The following STAB2 variants were observed in gnomAD, a reference collection of about 807,000 sequenced individuals.
The protein encoded by STAB2 is stabilin-2.
A neutral mutation model predicts 338.1 loss-of-function variants in STAB2; 288 were observed. The observed-to-expected ratio is 0.85, with a 90% CI of 0.77 to 0.94. STAB2 has a LOEUF of 0.94. Among genes scored for constraint, STAB2 ranks in the 40% least tolerant of loss-of-function variants. The probability of loss-of-function intolerance (pLI) is 0.00; values close to 1 mark genes in which losing one functional copy is unlikely to be tolerated. For synonymous variants in STAB2, 1,202 were observed against 1,193.3 expected (o/e 1.01, Z -0.15); for missense variants, 3,141 against 3,210.1 (o/e 0.98, Z 0.52).
chr12:103,595,263 G>C (rs55889269), intron 3 of STAB2, among the ~76,000 whole-genome samples: 9,402 of 152,022 alleles, frequency 0.062, 401 homozygotes, highest in South Asian at 0.2. Context: ...TTATGAATTT[G>C]CAATTCATTC....
intron 19 of STAB2, among the ~76,000 whole-genome samples, chr12:103,667,520 C>CT (rs1294769609): frequency 6.6e-6 from 1 of 151,932 alleles, no homozygotes; most frequent in South Asian, 2.1e-4. Context: ...CTATGATTGT[C>CT]TCAGCCCAGG....
chr12:103,636,631 TG>T (rs1193604742), intron 6 of STAB2, among the ~76,000 whole-genome samples: 1 of 152,112 alleles, frequency 6.6e-6, no homozygotes, highest in East Asian at 1.9e-4. Context: ...AGTATTAAGC[TG>T]TACTTCACTC....
intron 45 of STAB2, 65 bp from the exon 46 acceptor site, chr12:103,726,051 G>A: frequency 1.3e-6 from 2 of 1,574,852 alleles, no homozygotes; most frequent in Non-Finnish European, 8.7e-7. Context: ...ATCATCCCAT[G>A]ACAACCCTGT....
intron 25 of STAB2, among the ~76,000 whole-genome samples, chr12:103,680,721 T>A (rs1270907164): frequency 6.6e-6 from 1 of 152,188 alleles, no homozygotes; most frequent in East Asian, 1.9e-4. Flanking sequence ...GCCCTGCACC[T>A]CACCCTGGGG....
Position 103,755,424 on chromosome 12 carries a change from CA to C in STAB2, c.6839del (p.Asn2280ThrfsTer13). On this transcript the variant is annotated frameshift_variant, in exon 62 of 69. Transcript: ENST00000388887. LOFTEE classifies it high-confidence loss of function. The stretch of plus-strand genomic sequence containing the variant: ...GGATAGTGGACTATGGACCTAGACC[CA>C]ACAAGAGTGAAATGTGGGATGTCTT... ...VGIVDYGPRP[N>X]KSEMWDVFCY... is the part of the protein sequence containing the mutation. 6.2e-7 allele frequency: 1 copy of C among 1,614,094 alleles called. No homozygotes were observed. Among genetic ancestry groups the C allele is most frequent in the Non-Finnish European group, 8.5e-7 (1 of 1,180,022 alleles).
chr12:103,637,268 C>A, intron 7 of STAB2, 32 bp downstream of exon 7: 1 of 1,601,000 alleles, frequency 6.2e-7, no homozygotes, highest in South Asian at 1.1e-5. Context: ...CTAGTTTATT[C>A]ATTGAGATGT....
At chr12:103,622,792 C>G (rs1457477944) in intron 5 of STAB2, among the ~76,000 whole-genome samples, 1 of 152,234 alleles carries the variant, frequency 6.6e-6, no homozygotes, top group African/African-American at 2.4e-5. Flanking sequence ...TTCCCTCTCC[C>G]CAGGCTCTAG....
At chr12:103,711,383 G>A (rs1391652240) in intron 39 of STAB2, 88 bp from the exon 40 acceptor site, 1 of 1,556,352 alleles carries the variant, frequency 6.4e-7, no homozygotes, top group African/African-American at 1.4e-5. Flanking sequence ...CACTTCCAAA[G>A]AAGTAGCTTT....
chr12:103,620,189 G>T (rs1291297471), intron 3 of STAB2, among the ~76,000 whole-genome samples: 1 of 152,198 alleles, frequency 6.6e-6, no homozygotes. Context: ...ACCCCTGAAG[G>T]TTGCAATAGG....
intron 9 of STAB2, among the ~76,000 whole-genome samples, chr12:103,640,981 GTGAC>G (rs955345724): frequency 2.0e-5 from 3 of 152,188 alleles, no homozygotes; most frequent in African/African-American, 7.2e-5. Context: ...GTTTTCATTA[GTGAC>G]TGACCTGAAG....
At chr12:103,647,964 T>C (rs564865866) in intron 9 of STAB2, among the ~76,000 whole-genome samples, 21 of 152,356 alleles carry the variant, frequency 1.4e-4, no homozygotes, top group South Asian at 4.1e-4. Flanking sequence ...TGAGCACCTA[T>C]TATGGACCTA....
At position 103,647,615 on chromosome 12, in the gene STAB2, C is replaced by T. The variant is rs1232597961; in HGVS notation, c.1041-1075C>T. Among the ~76,000 whole-genome samples the T allele has an allele frequency of 2.6e-5, 4 of 152,206 alleles. No individual in the cohort carries two copies. The East Asian group carries it at 7.7e-4, about 29-fold the overall frequency. ...GCTATAGCCAGAGCTTATGGACTCA[C>T]AAGAGCTGAGTTTTAAAGTTTCAGA... On this transcript the variant is annotated intron_variant, in intron 9 of 68. Coordinates refer to ENST00000388887, the MANE Select transcript of STAB2 (RefSeq NM_017564.10).
intron 5 of STAB2, among the ~76,000 whole-genome samples, chr12:103,624,324 CAAT>C (rs1230079247): frequency 2.6e-5 from 4 of 152,244 alleles, no homozygotes; most frequent in African/African-American, 7.2e-5. Context: ...CTAGGTGAAT[CAAT>C]GAATGAATTA....
At chr12:103,722,241 C>T (rs1880825873) in intron 44 of STAB2, among the ~76,000 whole-genome samples, 1 of 152,086 alleles carries the variant, frequency 6.6e-6, no homozygotes, top group Non-Finnish European at 1.5e-5. Context: ...GGAGAAGCCT[C>T]AGTAAAAAAG....
chr12:103,714,402 A>G (rs115292245), intron 42 of STAB2, among the ~76,000 whole-genome samples: 5,024 of 152,298 alleles, frequency 0.033, 110 homozygotes, highest in African/African-American at 0.058. Flanking sequence ...ACATTCACCT[A>G]TTAACATTTA....
Position 103,730,274 on chromosome 12 carries a change from T to C in STAB2, c.5223+18T>C. 6.2e-7 allele frequency: 1 copy of C among 1,613,234 alleles called. No individual in the cohort carries two copies. Among genetic ancestry groups the C allele is most frequent in the South Asian group, 1.1e-5 (1 of 91,032 alleles). Reference sequence around the variant, plus strand: ...GAATTCTGGTAGGTAAACTCTCTGTTATGTTTTCAGCCTGGAGTGACTCAA... The same window carrying C: ...GAATTCTGGTAGGTAAACTCTCTGTCATGTTTTCAGCCTGGAGTGACTCAA... On this transcript the variant is annotated intron_variant, in intron 49 of 68. Transcript: ENST00000388887.
At position 103,690,518 on chromosome 12, in the gene STAB2, C is replaced by T; in HGVS notation, c.3277C>T (p.His1093Tyr). ...AACATCTTTGCAGGGCAACTTCCTTCACTTGGCAAAGGTGGATGGGGTAAG... is the reference window on the plus strand; with the variant it reads ...AACATCTTTGCAGGGCAACTTCCTTTACTTGGCAAAGGTGGATGGGGTAAG... ...LATSLQGNFL[H>Y]LAKVDGNITI... The change falls in exon 30 of 69, where the codon CAC (histidine) becomes TAC (tyrosine). Residue 1093 changes from histidine to tyrosine, a missense_variant. Transcript: ENST00000388887. 1 of 1,614,072 alleles carries T rather than the reference C, an allele frequency of 6.2e-7. No homozygotes were observed. The highest frequency in any genetic ancestry group is 1.1e-5 in the South Asian group (1 of 91,072).
chr12:103,635,370 C>G (rs956423744), intron 6 of STAB2, among the ~76,000 whole-genome samples: 2 of 152,254 alleles, frequency 1.3e-5, no homozygotes, highest in African/African-American at 4.8e-5. Context: ...AGGAGGAAGC[C>G]GGGGCTCTCT....
At chr12:103,739,540 TG>T (rs1319225309) in intron 54 of STAB2, 72 bp downstream of exon 54, 3 of 452,346 alleles carry the variant, frequency 6.6e-6, no homozygotes, top group East Asian at 5.1e-5. Context: ...TGTGTGTGTG[TG>T]TGTGTGTGTG....
Sources: allele counts gnomAD v4.1 joint callset (sites outside exome capture counted in the v4.1 genomes callset), GRCh38; gene constraint gnomAD v4.1.1; transcripts MANE v1.5; gene names NCBI Gene and HGNC (gene_info 2026-07-23, HGNC 2026-07-21).